RRAS2: variants seen among roughly 807,000 people sequenced by gnomAD.
The protein encoded by RRAS2 is RAS related 2.
A neutral mutation model predicts 27.6 loss-of-function variants in RRAS2; 7 were observed. The observed-to-expected ratio is 0.25, with a 90% CI of 0.14 to 0.48. RRAS2 has a LOEUF of 0.48. Ranked by LOEUF, RRAS2 falls within the 20% of genes least tolerant of loss-of-function variation. RRAS2 has a pLI of 0.99. For synonymous variants in RRAS2, 86 were observed against 90.9 expected, an observed-to-expected ratio of 0.95 and a Z score of 0.31; for missense variants, 178 against 256.2, an observed-to-expected ratio of 0.69 and a Z score of 2.08.
chr11:14,339,686 T>A (rs1267292292), intron 1 of RRAS2, among the ~76,000 whole-genome samples: 1 of 152,264 alleles, frequency 6.6e-6, no homozygotes, highest in African/African-American at 2.4e-5. Context: ...AAGTTAAAGT[T>A]AAAAAAGAAA....
At chr11:14,323,331 G>A (rs946533206) in intron 1 of RRAS2, among the ~76,000 whole-genome samples, 5 of 151,936 alleles carry the variant, frequency 3.3e-5, no homozygotes, top group African/African-American at 1.2e-4. Context: ...AGCGGCATGC[G>A]CCTATAGTCC....
chr11:14,280,929 G>A (rs1554944228), intron 5 of RRAS2, among the ~76,000 whole-genome samples: 1 of 152,038 alleles, frequency 6.6e-6, no homozygotes. Flanking sequence ...AATTCTATCA[G>A]ACCTCACCCA....
At chr11:14,310,012 T>G (rs1359882005) in intron 1 of RRAS2, among the ~76,000 whole-genome samples, 3 of 152,112 alleles carry the variant, frequency 2.0e-5, no homozygotes, top group Non-Finnish European at 2.9e-5. Context: ...AAATTGCAGC[T>G]TGAAGGGAGG....
At position 14,324,202 on chromosome 11, in the gene RRAS2, C is replaced by T. The variant is rs75841474; in HGVS notation, c.109-28347G>A. Among the ~76,000 whole-genome samples the T allele has an allele frequency of 1.4e-4, 21 of 151,882 alleles. 1 individual carries two copies. In the East Asian group the frequency reaches 1.5e-3, roughly 11 times the overall value. On this transcript the variant is annotated intron_variant, in intron 1 of 5. Coordinates refer to ENST00000256196, the MANE Select transcript of RRAS2 (RefSeq NM_012250.6). ...CATAATAATTATTGGAATTAGAATTCAGCAAGGTATTTGGATATAAAAGTC... is the reference window on the plus strand; with the variant it reads ...CATAATAATTATTGGAATTAGAATTTAGCAAGGTATTTGGATATAAAAGTC...
At chr11:14,344,000 G>T (rs1317427869) in intron 1 of RRAS2, among the ~76,000 whole-genome samples, 2 of 151,922 alleles carry the variant, frequency 1.3e-5, no homozygotes, top group Non-Finnish European at 2.9e-5. Flanking sequence ...AAAATCAGCC[G>T]GGCATGGTGG....
chr11:14,323,104 G>A (rs1362086559), intron 1 of RRAS2, among the ~76,000 whole-genome samples: 1 of 152,070 alleles, frequency 6.6e-6, no homozygotes, highest in African/African-American at 2.4e-5. Context: ...ATGAAGCACA[G>A]ACAAAATGGA....
Position 14,278,640 on chromosome 11 carries a change from G to T in RRAS2, c.*697C>A, listed in dbSNP as rs1554943816. ...TTACCCTTAGCGTGGCTGTGAAAAA[G>T]AGTTAAATTAAAAAATCAAGTACAC... On this transcript the variant is annotated 3_prime_UTR_variant, in exon 6 of 6. Transcript: ENST00000256196. 1 of 152,012 alleles carries T rather than the reference G, an allele frequency of 6.6e-6. No individual in the cohort carries two copies. 9.4% of individuals were successfully genotyped at this position (152,012 alleles called of 1,614,324 possible). A position where few individuals can be genotyped will look rare whatever the true frequency, so the allele number is the denominator to read the frequency against.
chr11:14,359,215 T>A, upstream of RRAS2: 1 of 921,746 alleles, frequency 1.1e-6, no homozygotes, highest in Non-Finnish European at 1.3e-6. Context: ...AGGTGCTGCA[T>A]ATGCATGAGG....
rs11023180 is a variant in RRAS2, at chr11:14,290,330, G to A, written c.408+4141C>T. On this transcript the variant is annotated intron_variant, in intron 4 of 5. Coordinates refer to ENST00000256196, the MANE Select transcript of RRAS2 (RefSeq NM_012250.6). ...TGGGCATGGTGGCCCATGCCTGTAA[G>A]CCCAGCTACTCAGGAGGCTGAGGCA... Among the ~76,000 whole-genome samples the A allele has an allele frequency of 1.5e-4, 23 of 152,196 alleles. No individual in the cohort carries two copies. In the East Asian group the frequency reaches 4.3e-3, roughly 28 times the overall value.
At chr11:14,331,673 TAAAAAAAAAA>T (rs80130992) in intron 1 of RRAS2, among the ~76,000 whole-genome samples, 1 of 81,600 alleles carries the variant, frequency 1.2e-5, no homozygotes, top group Admixed American at 1.4e-4. Flanking sequence ...CCCCAACTCT[TAAAAAAAAAA>T]AAAAAAAAAA....
intron 1 of RRAS2, among the ~76,000 whole-genome samples, chr11:14,345,672 T>C (rs1301232496): frequency 6.6e-6 from 1 of 152,238 alleles, no homozygotes; most frequent in African/African-American, 2.4e-5. Flanking sequence ...ACTTGAAAAC[T>C]ATCCCTTTTA....
intron 1 of RRAS2, among the ~76,000 whole-genome samples, chr11:14,341,484 A>G (rs1848704223): frequency 6.6e-6 from 1 of 152,186 alleles, no homozygotes; most frequent in Non-Finnish European, 1.5e-5. Context: ...CTTAAAGCAA[A>G]TCATAACACA....
chr11:14,279,148 T>C lies in RRAS2; in HGVS notation c.*189A>G. ...ATAATCTTTGAAGCAGCCTTAGTGT[T>C]TCCTTTAAATTTGTCTGGAAATGAC... On this transcript the variant is annotated 3_prime_UTR_variant, in exon 6 of 6. Transcript: ENST00000256196. 1.8e-6 allele frequency: 1 copy of C among 568,534 alleles called. No individual in the cohort carries two copies. The highest frequency in any genetic ancestry group is 3.2e-6 in the Non-Finnish European group (1 of 316,468). The allele number at this position is 568,534 out of a possible 1,614,324, so 35.2% of individuals were successfully genotyped here.
At chr11:14,323,375 T>C (rs1848271053) in intron 1 of RRAS2, among the ~76,000 whole-genome samples, 1 of 152,032 alleles carries the variant, frequency 6.6e-6, no homozygotes, top group South Asian at 2.1e-4. Context: ...GGAGGATTGC[T>C]TGAGCCTGGG....
intron 1 of RRAS2, among the ~76,000 whole-genome samples, chr11:14,339,940 C>A (rs2134021115): frequency 6.6e-6 from 1 of 151,732 alleles, no homozygotes; most frequent in East Asian, 1.9e-4. Context: ...ATGGAGAGAC[C>A]CCGTCCCTAC....
At chr11:14,359,868 C>T (rs1324297938), upstream of RRAS2, among the ~76,000 whole-genome samples, 1 of 152,110 alleles carries the variant, frequency 6.6e-6, no homozygotes, top group Non-Finnish European at 1.5e-5. Flanking sequence ...GTCACTGCAC[C>T]CGGCCTCATG....
intron 1 of RRAS2, among the ~76,000 whole-genome samples, chr11:14,344,237 C>T (rs1378393963): frequency 6.6e-6 from 1 of 152,186 alleles, no homozygotes; most frequent in African/African-American, 2.4e-5. Context: ...ATGTAGTACT[C>T]AAGCTACTAC....
intron 1 of RRAS2, among the ~76,000 whole-genome samples, chr11:14,330,840 A>G (rs1848468140): frequency 6.6e-6 from 1 of 152,248 alleles, no homozygotes; most frequent in Non-Finnish European, 1.5e-5. Context: ...AAACTGAATC[A>G]ACAGGATGAA....
At chr11:14,332,051 C>A (rs1227017033) in intron 1 of RRAS2, among the ~76,000 whole-genome samples, 1 of 152,188 alleles carries the variant, frequency 6.6e-6, no homozygotes, top group Non-Finnish European at 1.5e-5. Context: ...CCCAGAGTAA[C>A]TGGAATTTCC....
Sources: gnomAD v4.1 joint callset for allele counts (sites outside exome capture counted in the v4.1 genomes callset) on GRCh38, gnomAD v4.1.1 for gene constraint, MANE v1.5 for transcripts, NCBI Gene and HGNC (gene_info 2026-07-23, HGNC 2026-07-21) for gene names.